The following KIF26B variants were observed in gnomAD, a reference collection of about 807,000 sequenced individuals.
KIF26B encodes kinesin family member 26B, also known as kinesin-like protein KIF26B.
A neutral mutation model predicts 151.2 loss-of-function variants in KIF26B; 63 were observed. That is an observed-to-expected ratio of 0.42 (90% confidence interval 0.34 to 0.51). The LOEUF (loss-of-function observed/expected upper bound fraction) is 0.51. Ranked by LOEUF, KIF26B falls within the 20% of genes least tolerant of loss-of-function variation. KIF26B has a pLI of 0.07. For synonymous variants in KIF26B, 1,357 were observed against 1,262.1 expected (o/e 1.08, Z -1.59); for missense variants, 2,813 against 2,913.6 (o/e 0.97, Z 0.79).
Position 245,572,622 on chromosome 1 carries a change from T to A in KIF26B, c.1351-29955T>A, listed in dbSNP as rs899634868. Reference sequence around the variant, plus strand: ...ATGATTAAAATTAAAAATGAAATTTTAAAAATGAAATATTCAGTTGCCTTT... The same window carrying A: ...ATGATTAAAATTAAAAATGAAATTTAAAAAATGAAATATTCAGTTGCCTTT... On this transcript the variant is annotated intron_variant, in intron 5 of 14. Transcript: ENST00000407071. The surrounding 1 kb of genome is among the most constrained non-coding windows in gnomAD (Gnocchi z 4.2). 1.1e-4 allele frequency among the ~76,000 whole-genome samples: 17 copies of A among 152,346 alleles called. No homozygotes were observed. The highest frequency in any genetic ancestry group is 3.4e-3 in the Middle Eastern group (1 of 294).
chr1:245,275,089 A>G (rs1670915969), intron 2 of KIF26B, among the ~76,000 whole-genome samples: 2 of 152,036 alleles, frequency 1.3e-5, no homozygotes, highest in South Asian at 4.1e-4. Context: ...AGTGATGATG[A>G]GCTTTTTTTC....
At position 245,540,933 on chromosome 1, in the gene KIF26B, A is replaced by G; in HGVS notation, c.1333A>G (p.Thr445Ala). The change falls in exon 5 of 15, where the codon ACC becomes GCC. Residue 445 changes from threonine to alanine, a missense_variant. Physicochemically the swap from Thr to Ala is moderately conservative, Grantham distance 58. Transcript: ENST00000407071. This position sits in a 1 kb window ranked among gnomAD's most constrained non-coding sequence, Gnocchi z 4.6. ...LLRAVNKVKDTPGLGKVKVML... is the reference protein window; with the variant it reads ...LLRAVNKVKDAPGLGKVKVML... ...GAGGGCTGTCAACAAGGTGAAGGAC[A>G]CCCCGGGGCTGGGCAAGGTAGGACC... The G allele has an allele frequency of 6.2e-7, 1 of 1,613,042 alleles. No homozygotes were observed. The highest frequency in any genetic ancestry group is 8.5e-7 in the Non-Finnish European group (1 of 1,179,262).
chr1:245,687,844 A>G lies in KIF26B; in HGVS notation c.4861A>G (p.Ser1621Gly), dbSNP rs1180954659. 6.3e-7 allele frequency: 1 copy of G among 1,593,604 alleles called. No individual in the cohort carries two copies. Among genetic ancestry groups the G allele is most frequent in the Non-Finnish European group, 8.5e-7 (1 of 1,171,190 alleles). ...CAGCCCTCAGCACAGTGCCAGCGGC[A>G]GCGGCACCAGCAGCCCCCTGAACCA... ...RASPQHSASGSGTSSPLNQPA... is the reference protein window; with the variant it reads ...RASPQHSASGGGTSSPLNQPA... The change falls in exon 12 of 15, where the codon AGC becomes GGC. Residue 1621 changes from serine to glycine, a missense_variant. Physicochemically the swap from Ser to Gly is moderately conservative, Grantham distance 56. This residue lies in a region of KIF26B where 2,060 missense variants were observed against 2,088.6 expected (regional missense o/e 0.99). Transcript: ENST00000407071. The surrounding 1 kb of genome is among the most constrained non-coding windows in gnomAD (Gnocchi z 4.9).
Position 245,612,093 on chromosome 1 carries a change from TGTGTGTGTGTGTGAGAGAGAGAGAGA to T in KIF26B, c.2098+119_2098+144del, listed in dbSNP as rs1302195151. On this transcript the variant is annotated intron_variant, in intron 9 of 14. Coordinates refer to ENST00000407071, the MANE Select transcript of KIF26B (RefSeq NM_018012.4). ...GTGTGTGTGTGTGTGTGTGTGTGTGTGTGTGTGTGTGTGAGAGAGAGAGAGAGAGAGAGAGAGACAGGGTCTTGCTC... is the reference window on the plus strand; with the variant it reads ...GTGTGTGTGTGTGTGTGTGTGTGTGTGAGAGAGAGAGACAGGGTCTTGCTC... The T allele has an allele frequency of 9.7e-6, 7 of 721,246 alleles. No individual in the cohort carries two copies. The African/African-American group carries it at 1.3e-4, about 13-fold the overall frequency. 44.7% of individuals were successfully genotyped at this position (721,246 alleles called of 1,614,324 possible).
chr1:245,562,588 GC>G lies in KIF26B; in HGVS notation c.1350+21646del, dbSNP rs57636731. Among the ~76,000 whole-genome samples the G allele has an allele frequency of 1.3e-3, 172 of 135,608 alleles. 1 individual carries two copies. In the South Asian group the frequency reaches 0.033, roughly 26 times the overall value. The allele number at this position is 135,608 out of a possible 152,430, so 89.0% of individuals were successfully genotyped here. Reference sequence around the variant, plus strand: ...ACCTGTCCGCACGTGGCCAAGCCCCGCCCCCCCCTTCCCCCATGCTCTTCTC... The same window carrying G: ...ACCTGTCCGCACGTGGCCAAGCCCCGCCCCCCCTTCCCCCATGCTCTTCTC... On this transcript the variant is annotated intron_variant, in intron 5 of 14. Coordinates refer to ENST00000407071, the MANE Select transcript of KIF26B (RefSeq NM_018012.4).
At chr1:245,571,650 C>T (rs973821117) in intron 5 of KIF26B, among the ~76,000 whole-genome samples, 1 of 152,164 alleles carries the variant, frequency 6.6e-6, no homozygotes, top group Admixed American at 6.5e-5. Flanking sequence ...AGTGGTAGCT[C>T]AGGAGGGGAG....
intron 2 of KIF26B, among the ~76,000 whole-genome samples, chr1:245,162,872 G>T (rs193268631): frequency 3.3e-5 from 5 of 152,252 alleles, no homozygotes; most frequent in Middle Eastern, 3.4e-3. Context: ...CCACCTCCAG[G>T]TCTCAAAGAA....
At chr1:245,229,269 GC>G (rs1669942168) in intron 2 of KIF26B, among the ~76,000 whole-genome samples, 1 of 152,102 alleles carries the variant, frequency 6.6e-6, no homozygotes, top group African/African-American at 2.4e-5. Context: ...ACCGCCCCCT[GC>G]CGGATTTATC....
intron 4 of KIF26B, among the ~76,000 whole-genome samples, chr1:245,428,755 C>A (rs935072940): frequency 1.3e-5 from 2 of 152,096 alleles, no homozygotes; most frequent in Admixed American, 1.3e-4. Flanking sequence ...GTCTGACTGG[C>A]GGCCGGTTGG....
At chr1:245,265,201 C>CAAA (rs59716075) in intron 2 of KIF26B, among the ~76,000 whole-genome samples, 21 of 47,284 alleles carry the variant, frequency 4.4e-4, no homozygotes, top group African/African-American at 1.0e-3. Flanking sequence ...GACTCCATCT[C>CAAA]AAAAAAAAAA....
intron 4 of KIF26B, among the ~76,000 whole-genome samples, chr1:245,490,307 T>G (rs915193145): frequency 1.1e-3 from 1 of 926 alleles, no homozygotes; most frequent in Non-Finnish European, 2.5e-3. Flanking sequence ...CTGTAGAACA[T>G]TTTTTTTTTT....
chr1:245,480,276 G>T (rs1364363173), intron 4 of KIF26B, among the ~76,000 whole-genome samples: 2 of 150,840 alleles, frequency 1.3e-5, no homozygotes, highest in East Asian at 3.9e-4. Context: ...CCCTGTCTCG[G>T]GGGGGAGGAA....
chr1:245,334,260 A>G (rs928164582), intron 2 of KIF26B, among the ~76,000 whole-genome samples: 3 of 152,246 alleles, frequency 2.0e-5, no homozygotes, highest in Non-Finnish European at 4.4e-5. Flanking sequence ...AAGCAATCTC[A>G]TAGGTGGCTA....
intron 4 of KIF26B, among the ~76,000 whole-genome samples, chr1:245,489,328 T>C (rs1237089049): frequency 1.3e-5 from 2 of 152,248 alleles, no homozygotes; most frequent in African/African-American, 2.4e-5. Flanking sequence ...TGAATAAACA[T>C]GGACTGGACT....
chr1:245,574,345 T>C (rs2043095378), intron 5 of KIF26B, among the ~76,000 whole-genome samples: 1 of 152,140 alleles, frequency 6.6e-6, no homozygotes, highest in Non-Finnish European at 1.5e-5. Context: ...GGTTTCACCT[T>C]GTTGGCCAGA....
chr1:245,239,724 C>A lies in KIF26B; in HGVS notation c.465+83041C>A, dbSNP rs1348324052. Among the ~76,000 whole-genome samples, 1 of 151,378 alleles carries A rather than the reference C, an allele frequency of 6.6e-6. No homozygotes were observed. The highest frequency in any genetic ancestry group is 1.5e-5 in the Non-Finnish European group (1 of 67,900). On this transcript the variant is annotated intron_variant, in intron 2 of 14. Transcript: ENST00000407071. This position sits in a 1 kb window ranked among gnomAD's most constrained non-coding sequence, Gnocchi z 4.3. ...TTCACTATGTTGGCCAGGCTGGTCT[C>A]AAACTCCTGACCTCAGGTGATCTGG... is the stretch of plus-strand genomic sequence containing the variant.
chr1:245,406,731 C>A (rs1395878719), intron 3 of KIF26B, among the ~76,000 whole-genome samples: 1 of 152,088 alleles, frequency 6.6e-6, no homozygotes, highest in Non-Finnish European at 1.5e-5. Flanking sequence ...ATTCAATAGT[C>A]AAAAATTCCA....
intron 2 of KIF26B, among the ~76,000 whole-genome samples, chr1:245,238,488 G>A (rs560722543): frequency 5.9e-4 from 89 of 152,056 alleles, no homozygotes; most frequent in African/African-American, 2.0e-3. Context: ...ATCCATCAAA[G>A]ACAATAAAAA....
At chr1:245,588,958 A>G (rs757812768) in intron 5 of KIF26B, among the ~76,000 whole-genome samples, 2 of 152,220 alleles carry the variant, frequency 1.3e-5, no homozygotes, top group South Asian at 2.1e-4. Flanking sequence ...TCCCAGGGAT[A>G]GTGGCATAAT....
Sources: gnomAD v4.1 joint callset for allele counts (sites outside exome capture counted in the v4.1 genomes callset) on GRCh38, gnomAD v4.1.1 for gene constraint, gnomAD v4.1.1 regional missense constraint, Gnocchi (gnomAD v3.1) non-coding constraint, MANE v1.5 for transcripts, NCBI Gene and HGNC (gene_info 2026-07-23, HGNC 2026-07-21) for gene names.